The following FGF22 variants were observed in gnomAD, a reference collection of about 807,000 sequenced individuals.
FGF22 encodes the protein fibroblast growth factor 22, also known as FGF-22.
A neutral mutation model predicts 10.3 loss-of-function variants in FGF22; 11 were observed. That is an observed-to-expected ratio of 1.07 (90% CI 0.67 to 1.77). The LOEUF (loss-of-function observed/expected upper bound fraction) is 1.77, where lower values mean the gene tolerates loss of function less well. Among genes scored for constraint, FGF22 ranks in the 40% most tolerant of loss-of-function variants. FGF22 has a pLI of 0.00. For synonymous variants in FGF22, 136 were observed against 122.1 expected, an observed-to-expected ratio of 1.11 and a Z score of -0.75; for missense variants, 317 against 273.2, an observed-to-expected ratio of 1.16 and a Z score of -1.13.
In FGF22 at chr19:643,246, ATCCGC is replaced by A. The variant is rs1364852699; in HGVS notation, c.229_233del (p.Arg77CysfsTer96). ...CCCGCCTCCCCCAGGCATCCTGGAG[ATCCGC>A]TCTGTACACGTGGGCGTCGTGGTCA... On this transcript the variant is annotated frameshift_variant, in exon 2 of 3. Coordinates refer to ENST00000215530, the Ensembl canonical transcript of FGF22. LOFTEE classifies it high-confidence loss of function. 5 of 1,610,862 alleles carry A rather than the reference ATCCGC, an allele frequency of 3.1e-6. No homozygotes were observed. Among genetic ancestry groups the A allele is most frequent in the Non-Finnish European group, 4.2e-6 (5 of 1,178,988 alleles).
At chr19:641,206 C>T (rs1401735721) in intron 1 of FGF22, 3 of 456,522 alleles carry the variant, frequency 6.6e-6, no homozygotes, top group Non-Finnish European at 1.3e-5. Context: ...ACAGAGACGC[C>T]CACCCTCCTG....
chr19:643,396 A>AC lies in FGF22; in HGVS notation c.319-9dup. 1 of 1,554,928 alleles carries AC rather than the reference A, an allele frequency of 6.4e-7. No homozygotes were observed. The highest frequency in any genetic ancestry group is 8.8e-7 in the Non-Finnish European group (1 of 1,141,162). On this transcript the variant is annotated splice_polypyrimidine_tract_variant and intron_variant, in intron 2 of 2. Coordinates refer to ENST00000215530, the Ensembl canonical transcript of FGF22. Reference sequence around the variant, plus strand: ...AGGGTGGGGAGGGTGGGCCGGCCTCACCCCCGCCCGCAGCGACTCTACACC... The same window carrying AC: ...AGGGTGGGGAGGGTGGGCCGGCCTCACCCCCCGCCCGCAGCGACTCTACACC...
chr19:642,963 C>T (rs949320860), intron 1 of FGF22, among the ~76,000 whole-genome samples: 6 of 152,134 alleles, frequency 3.9e-5, no homozygotes, highest in Middle Eastern at 3.4e-3. Flanking sequence ...GGGTCCTCAT[C>T]GATCTCTGCA....
chr19:643,530 G>T lies in FGF22; in HGVS notation c.439G>T (p.Gly147Trp), dbSNP rs746475694. ...CATGTTCCTGGCGCTGGACAGGAGG[G>T]GGGGGCCCCGGCCAGGCGGCCGGAC... Residue 147 changes from glycine to tryptophan, a missense_variant, in exon 3 of 3, where the codon GGG becomes TGG. Transcript: ENST00000215530. The T allele has an allele frequency of 1.1e-5, 18 of 1,604,334 alleles. No individual in the cohort carries two copies. Among genetic ancestry groups the T allele is most frequent in the East Asian group, 6.7e-5 (3 of 44,666 alleles).
chr19:643,844 A>C, exon 3 of FGF22: 1 of 483,510 alleles, frequency 2.1e-6, no homozygotes, highest in Non-Finnish European at 3.7e-6. Context: ...GGGCTGAAGG[A>C]CGCAGACGTC....
chr19:643,278 C>G lies in FGF22; in HGVS notation c.258C>G (p.Ile86Met), dbSNP rs1387909111. The change falls in exon 2 of 3, where the codon ATC becomes ATG. Residue 86 changes from isoleucine to methionine, a missense_variant. Coordinates refer to ENST00000215530, the Ensembl canonical transcript of FGF22. ...CTGTACACGTGGGCGTCGTGGTCAT[C>G]AAAGCAGTGTCCTCAGGCTTCTACG... The G allele has an allele frequency of 4.3e-6, 7 of 1,611,630 alleles. No homozygotes were observed. In the South Asian group the frequency reaches 6.6e-5, roughly 15 times the overall value.
chr19:639,929 C>A, exon 1 of FGF22: 1 of 1,223,656 alleles, frequency 8.2e-7, no homozygotes, highest in Non-Finnish European at 1.0e-6. Context: ...CCGGGTCATG[C>A]GCCGCCGCCT....
rs1168634857 is a variant in FGF22 at position 643,337 on chromosome 19, CGGTGAGTGCCG to C, written c.318+2_318+12del. The C allele has an allele frequency of 7.4e-6, 10 of 1,344,624 alleles. No individual in the cohort carries two copies. Among genetic ancestry groups the C allele is most frequent in the Non-Finnish European group, 9.9e-6 (10 of 1,009,764 alleles). The allele number at this position is 1,344,624 out of a possible 1,614,324, so 83.3% of individuals were successfully genotyped here. ...AACCGCCGGGGCCGCCTCTACGGGT[CGGTGAGTGCCG>C]GGCAGGGCTGGGCGGCGCGGGCAGG... On this transcript the variant is annotated splice_donor_variant and splice_donor_5th_base_variant and coding_sequence_variant and intron_variant, in exon 2 of 3. Coordinates refer to ENST00000215530, the Ensembl canonical transcript of FGF22. LOFTEE classifies it high-confidence loss of function.
chr19:641,574 C>CA (rs68071125), intron 1 of FGF22: 5,118 of 94,500 alleles, frequency 0.054, 202 homozygotes, highest in African/African-American at 0.11. Context: ...GACTCCGTCT[C>CA]AAAAAAAAAA....
chr19:642,955 G>T (rs7260011), intron 1 of FGF22, among the ~76,000 whole-genome samples: 2 of 151,640 alleles, frequency 1.3e-5, no homozygotes, highest in Non-Finnish European at 2.9e-5. Context: ...CTCCCACGGG[G>T]TCCTCATCGA....
chr19:640,370 G>A, intron 1 of FGF22: 2 of 360,784 alleles, frequency 5.5e-6, no homozygotes, highest in Non-Finnish European at 9.9e-6. Flanking sequence ...AGAAGCGTCC[G>A]TGTGGTACAA....
At chr19:642,758 G>GT (rs1210421314) in intron 1 of FGF22, among the ~76,000 whole-genome samples, 1 of 151,852 alleles carries the variant, frequency 6.6e-6, no homozygotes, top group African/African-American at 2.4e-5. Context: ...CTCATTGACA[G>GT]TTATCAGTGG....
chr19:642,145 G>A (rs1415454887), intron 1 of FGF22, among the ~76,000 whole-genome samples: 1 of 152,194 alleles, frequency 6.6e-6, no homozygotes, highest in East Asian at 1.9e-4. Flanking sequence ...CTGCCAGCCC[G>A]GCCTCCAGTC....
Position 639,921 on chromosome 19 carries a change from G to GGGTCATGCGCCGCCGCCT in FGF22, c.-3_15dup, listed in dbSNP as rs1985842979. On this transcript the variant is annotated 5_prime_UTR_variant, in exon 1 of 3. It adds an upstream start codon to the 5' untranslated region. Coordinates refer to ENST00000215530, the Ensembl canonical transcript of FGF22. ...ACGAGCGCGCAGCGAACCGGGTGCC[G>GGGTCATGCGCCGCCGCCT]GGTCATGCGCCGCCGCCTGTGGCTG... 1 of 1,220,102 alleles carries GGGTCATGCGCCGCCGCCT rather than the reference G, an allele frequency of 8.2e-7. No homozygotes were observed. The highest frequency in any genetic ancestry group is 1.0e-6 in the Non-Finnish European group (1 of 980,884). The allele number at this position is 1,220,102 out of a possible 1,614,324, so 75.6% of individuals were successfully genotyped here.
chr19:643,337 C>T lies in FGF22; in HGVS notation c.317C>T (p.Ser106Leu), dbSNP rs373208428. The T allele has an allele frequency of 2.6e-5, 35 of 1,344,622 alleles. No individual in the cohort carries two copies. Among genetic ancestry groups the T allele is most frequent in the Admixed American group, 1.2e-4 (6 of 50,254 alleles). 83.3% of individuals were successfully genotyped at this position (1,344,622 alleles called of 1,614,324 possible). A position where few individuals can be genotyped will look rare whatever the true frequency, so the allele number is the denominator to read the frequency against. ...AACCGCCGGGGCCGCCTCTACGGGT[C>T]GGTGAGTGCCGGGCAGGGCTGGGCG... Residue 106 changes from serine (S) to leucine (L), a missense_variant and splice_region_variant, in exon 2 of 3, where the codon TCG (serine) becomes TTG (leucine). Transcript: ENST00000215530.
At chr19:640,008 G>A in exon 1 of FGF22, 3 of 1,326,498 alleles carry the variant, frequency 2.3e-6, no homozygotes, top group Non-Finnish European at 1.9e-6. Flanking sequence ...AGCGCGTCGC[G>A]GGGACCGCGC....
At chr19:643,526 G>A in exon 3 of FGF22, 1 of 1,606,078 alleles carries the variant, frequency 6.2e-7, no homozygotes. Flanking sequence ...CGCTGGACAG[G>A]AGGGGGGGGC....
chr19:640,561 C>A, intron 1 of FGF22: 1 of 158,900 alleles, frequency 6.3e-6, no homozygotes, highest in African/African-American at 2.4e-5. Flanking sequence ...CCCCATCTGG[C>A]AGGTGAGGAC....
chr19:641,291 G>A (rs189559950), intron 1 of FGF22: 25 of 454,828 alleles, frequency 5.5e-5, no homozygotes, highest in African/African-American at 3.8e-4. Flanking sequence ...AACAGTGAAC[G>A]GTTGGCCGGG....
Sources: gnomAD v4.1 joint callset for allele counts (sites outside exome capture counted in the v4.1 genomes callset) on GRCh38, gnomAD v4.1.1 for gene constraint, MANE v1.5 for transcripts, NCBI Gene and HGNC (gene_info 2026-07-23, HGNC 2026-07-21) for gene names.